Variants in KCNN4 observed in about 807,000 individuals in gnomAD.
KCNN4 encodes the protein potassium calcium-activated channel subfamily N member 4.
A neutral mutation model predicts 45.2 loss-of-function variants in KCNN4; 31 were observed. The ratio of observed to expected loss-of-function variants is 0.69; its 90% CI spans 0.52 to 0.92. The LOEUF is 0.92. Among genes scored for constraint, KCNN4 ranks in the 40% least tolerant of loss-of-function variants. The probability of loss-of-function intolerance (pLI) is 0.00; values close to 1 mark genes in which losing one functional copy is unlikely to be tolerated. For synonymous variants in KCNN4, 231 were observed against 254.6 expected (o/e 0.91, Z 0.88); for missense variants, 463 against 574.0 (o/e 0.81, Z 1.98).
In KCNN4 at chr19:43,780,848, A is replaced by G. The variant is rs199638339; in HGVS notation, c.14T>C (p.Leu5Pro). MGGD[L>P]VLGLGALRRR... ...TCTCAAGGCCCCCAGGCCAAGCACC[A>G]GATCCCCGCCCATGGCCCCCGGGGT... is the stretch of plus-strand genomic sequence containing the variant. The change falls in exon 1 of 9, where the codon CTG (leucine) becomes CCG (proline). Residue 5 changes from leucine to proline, a missense_variant. Coordinates refer to ENST00000648319, the MANE Select transcript of KCNN4 (RefSeq NM_002250.3). The G allele has an allele frequency of 4.3e-6, 7 of 1,613,866 alleles. No individual in the cohort carries two copies. The highest frequency in any genetic ancestry group is 5.9e-6 in the Non-Finnish European group (7 of 1,179,962).
rs1969597741 is a variant in KCNN4 at position 43,769,901 on chromosome 19, C to G, written c.820-72G>C. On this transcript the variant is annotated intron_variant, in intron 4 of 8. Transcript: ENST00000648319. The surrounding 1 kb of genome is among the most constrained non-coding windows in gnomAD (Gnocchi z 4.4). Reference sequence around the variant, plus strand: ...CCTCCTTGAACCCGCCCAACAGCCACAGACGGTAGGCACGACCATCCCCAG... The same window carrying G: ...CCTCCTTGAACCCGCCCAACAGCCAGAGACGGTAGGCACGACCATCCCCAG... 9.7e-7 allele frequency: 1 copy of G among 1,027,188 alleles called. No homozygotes were observed. The highest frequency in any genetic ancestry group is 1.6e-5 in the African/African-American group (1 of 63,492). 63.6% of individuals were successfully genotyped at this position (1,027,188 alleles called of 1,614,324 possible). A position where few individuals can be genotyped will look rare whatever the true frequency, so the allele number is the denominator to read the frequency against.
chr19:43,771,629 G>A (rs1359115416), intron 4 of KCNN4, among the ~76,000 whole-genome samples: 2 of 152,154 alleles, frequency 1.3e-5, no homozygotes, highest in Non-Finnish European at 2.9e-5. Context: ...GATAAGGGCT[G>A]GGGCCCTAGG....
At position 43,769,060 on chromosome 19, in the gene KCNN4, T is replaced by G; in HGVS notation, c.1050-28A>C. ...GTGGGAAGAAGTGGGGAGTCAGTTT[T>G]ACAAGCCTGGTCCCTGAATGTAGCT... is the stretch of plus-strand genomic sequence containing the variant. On this transcript the variant is annotated intron_variant, in intron 6 of 8. Coordinates refer to ENST00000648319, the MANE Select transcript of KCNN4 (RefSeq NM_002250.3). The surrounding 1 kb of genome is among the most constrained non-coding windows in gnomAD (Gnocchi z 4.4). 6.2e-7 allele frequency: 1 copy of G among 1,612,690 alleles called. No homozygotes were observed. Among genetic ancestry groups the G allele is most frequent in the Non-Finnish European group, 8.5e-7 (1 of 1,178,682 alleles).
At position 43,772,146 on chromosome 19, in the gene KCNN4, G is replaced by A; in HGVS notation, c.684-11C>T. ...GCATTAACAGCCTGCCTATGGGGAA[G>A]GGTAGGTTAGTTCTAAAACCCCACC... is the stretch of plus-strand genomic sequence containing the variant. On this transcript the variant is annotated splice_polypyrimidine_tract_variant and intron_variant, in intron 3 of 8. Coordinates refer to ENST00000648319, the MANE Select transcript of KCNN4 (RefSeq NM_002250.3). This position sits in a 1 kb window ranked among gnomAD's most constrained non-coding sequence, Gnocchi z 4.4. The A allele has an allele frequency of 6.8e-6, 11 of 1,612,890 alleles. No individual in the cohort carries two copies. Among genetic ancestry groups the A allele is most frequent in the Non-Finnish European group, 8.5e-6 (10 of 1,179,576 alleles).
At chr19:43,778,377 C>A (rs56344893) in intron 1 of KCNN4, among the ~76,000 whole-genome samples, 45,771 of 151,988 alleles carry the variant, frequency 0.3, 7,343 homozygotes, top group South Asian at 0.42. Flanking sequence ...GTAGCTGGGA[C>A]TACAGGCACA....
chr19:43,771,380 T>G (rs1021039672), intron 4 of KCNN4, among the ~76,000 whole-genome samples: 2 of 152,086 alleles, frequency 1.3e-5, no homozygotes, highest in South Asian at 2.1e-4. Flanking sequence ...AGCAAGCCCA[T>G]GAGGAGCATC....
chr19:43,771,223 A>G (rs1262668433), intron 4 of KCNN4, among the ~76,000 whole-genome samples: 1 of 152,162 alleles, frequency 6.6e-6, no homozygotes, highest in Non-Finnish European at 1.5e-5. Context: ...CTCAGGCTGC[A>G]GAGCCTCTGC....
intron 4 of KCNN4, among the ~76,000 whole-genome samples, chr19:43,770,711 C>G (rs1163206018): frequency 6.6e-6 from 1 of 152,170 alleles, no homozygotes; most frequent in Non-Finnish European, 1.5e-5. Context: ...TCATGAATTA[C>G]CCCTGGCAAG....
At position 43,774,412 on chromosome 19, in the gene KCNN4, C is replaced by G; in HGVS notation, c.463G>C (p.Ala155Pro). Residue 155 changes from alanine (A) to proline (P), a missense_variant, in exon 3 of 9, where the codon GCC (alanine) becomes CCC (proline). This residue lies in a region of KCNN4 where 225 missense variants were observed against 240.9 expected (regional missense o/e 0.93). Coordinates refer to ENST00000648319, the MANE Select transcript of KCNN4 (RefSeq NM_002250.3). The surrounding 1 kb of genome is among the most constrained non-coding windows in gnomAD (Gnocchi z 5.6). ...LGQGEALLSL[A>P]MLLRLYLVPR... The stretch of plus-strand genomic sequence containing the variant: ...ACCAGGTAGAGACGCAGCAGCATGG[C>G]CAGGGACAGCAGCGCTTCCCCTTGG... 1.3e-6 allele frequency: 2 copies of G among 1,598,188 alleles called. No individual in the cohort carries two copies. Among genetic ancestry groups the G allele is most frequent in the Non-Finnish European group, 1.7e-6 (2 of 1,172,634 alleles).
In KCNN4 at chr19:43,780,965, G is replaced by C. The variant is rs1282225139; in HGVS notation, c.-104C>G. Reference sequence around the variant, plus strand: ...GGCTTGCAGGTCGTCAGCCTGCTCTGCTGGCTCTGGGACTTTTGCTCTGAG... The same window carrying C: ...GGCTTGCAGGTCGTCAGCCTGCTCTCCTGGCTCTGGGACTTTTGCTCTGAG... On this transcript the variant is annotated 5_prime_UTR_variant, in exon 1 of 9. Coordinates refer to ENST00000648319, the MANE Select transcript of KCNN4 (RefSeq NM_002250.3). 2 of 1,191,644 alleles carry C rather than the reference G, an allele frequency of 1.7e-6. No individual in the cohort carries two copies. The highest frequency in any genetic ancestry group is 2.4e-6 in the Non-Finnish European group (2 of 831,320). The allele number at this position is 1,191,644 out of a possible 1,614,324, so 73.8% of individuals were successfully genotyped here.
Position 43,780,941 on chromosome 19 carries a change from G to T in KCNN4, c.-80C>A. 3 of 1,437,706 alleles carry T rather than the reference G, an allele frequency of 2.1e-6. No homozygotes were observed. Among genetic ancestry groups the T allele is most frequent in the South Asian group, 1.2e-5 (1 of 84,554 alleles). The allele number at this position is 1,437,706 out of a possible 1,614,324, so 89.1% of individuals were successfully genotyped here. On this transcript the variant is annotated 5_prime_UTR_variant, in exon 1 of 9. Coordinates refer to ENST00000648319, the MANE Select transcript of KCNN4 (RefSeq NM_002250.3). ...CAGCACGCACAGGGCAGCCACTGTG[G>T]CTTGCAGGTCGTCAGCCTGCTCTGC...
chr19:43,769,006 C>G lies in KCNN4; in HGVS notation c.1076G>C (p.Arg359Pro). Residue 359 changes from arginine (R) to proline (P), a missense_variant, in exon 7 of 9, where the codon CGG (arginine) becomes CCG (proline). Arg to Pro is a moderately radical substitution (Grantham distance 103). Coordinates refer to ENST00000648319, the MANE Select transcript of KCNN4 (RefSeq NM_002250.3). The surrounding 1 kb of genome is among the most constrained non-coding windows in gnomAD (Gnocchi z 4.4). ...NAFRQVRLKHRKLREQVNSMV... is the reference protein window; with the variant it reads ...NAFRQVRLKHPKLREQVNSMV... The stretch of plus-strand genomic sequence containing the variant: ...GGAGTTCACTTGTTCCCGGAGCTTC[C>G]GGTGTTTCAGCCGCACCTGGCGGAA... 1.2e-6 allele frequency: 2 copies of G among 1,614,066 alleles called. No homozygotes were observed. The highest frequency in any genetic ancestry group is 3.3e-5 in the Admixed American group (2 of 60,024).
At chr19:43,768,818 C>A (rs1487623365) in intron 7 of KCNN4, 145 bp downstream of exon 7, 3 of 720,626 alleles carry the variant, frequency 4.2e-6, no homozygotes, top group Non-Finnish European at 4.9e-6. Context: ...TTCATTCCTT[C>A]CTTCCTTCAT....
rs1283181214 is a variant in KCNN4, at chr19:43,766,680, C to G, written c.*413G>C. ...GGCGCCACCTCCAGCCCCGCCCCAG[C>G]CTCATACCCAGTTCTTCAGCTCGGC... is the stretch of plus-strand genomic sequence containing the variant. On this transcript the variant is annotated 3_prime_UTR_variant, in exon 9 of 9. Coordinates refer to ENST00000648319, the MANE Select transcript of KCNN4 (RefSeq NM_002250.3). The G allele has an allele frequency of 6.6e-6, 1 of 152,574 alleles. No homozygotes were observed. The highest frequency in any genetic ancestry group is 1.5e-5 in the Non-Finnish European group (1 of 68,080). 9.5% of individuals were successfully genotyped at this position (152,574 alleles called of 1,614,324 possible).
intron 4 of KCNN4, among the ~76,000 whole-genome samples, chr19:43,771,099 A>C (rs1969630517): frequency 6.7e-6 from 1 of 150,102 alleles, no homozygotes; most frequent in Admixed American, 6.6e-5. Flanking sequence ...AGGGAGGTGA[A>C]GGCCAAGGCA....
intron 2 of KCNN4, among the ~76,000 whole-genome samples, chr19:43,776,291 G>T (rs554512535): frequency 3.9e-5 from 6 of 152,104 alleles, no homozygotes; most frequent in Non-Finnish European, 5.9e-5. Context: ...AGGGCTGCAA[G>T]GGCACTCTCA....
At position 43,769,846 on chromosome 19, in the gene KCNN4, C is replaced by T; in HGVS notation, c.820-17G>A. 1 of 1,586,734 alleles carries T rather than the reference C, an allele frequency of 6.3e-7. No homozygotes were observed. On this transcript the variant is annotated splice_polypyrimidine_tract_variant and intron_variant, in intron 4 of 8. Transcript: ENST00000648319. The surrounding 1 kb of genome is among the most constrained non-coding windows in gnomAD (Gnocchi z 4.4). ...GCAGACACCCTGTGGGCACAGCAGG[C>T]ACCGTGGCATGAGGCTGTGCCACCG...
intron 1 of KCNN4, among the ~76,000 whole-genome samples, chr19:43,779,410 T>C (rs1011157586): frequency 3.3e-5 from 5 of 150,678 alleles, no homozygotes; most frequent in Non-Finnish European, 7.4e-5. Flanking sequence ...TGACCCTCCA[T>C]GTGGCTCCTG....
At chr19:43,767,905 T>C (rs1185441263) in intron 7 of KCNN4, among the ~76,000 whole-genome samples, 198 bp from the exon 8 acceptor site, 1 of 152,104 alleles carries the variant, frequency 6.6e-6, no homozygotes, top group Non-Finnish European at 1.5e-5. Flanking sequence ...TGGTTTAAAA[T>C]CCTCCCAAAA....
Sources: allele counts gnomAD v4.1 joint callset (sites outside exome capture counted in the v4.1 genomes callset), GRCh38; gene constraint gnomAD v4.1.1; regional missense constraint gnomAD v4.1.1; non-coding constraint Gnocchi (gnomAD v3.1); transcripts MANE v1.5; gene names NCBI Gene and HGNC (gene_info 2026-07-23, HGNC 2026-07-21).